Variants in GLIS3 observed in about 807,000 individuals in gnomAD.
GLIS3 encodes the protein zinc finger protein GLIS3.
Under a neutral mutation model 78.6 loss-of-function variants are expected in GLIS3, and 53 were observed. The ratio of observed to expected loss-of-function variants is 0.67; its 90% CI spans 0.54 to 0.85. The LOEUF is 0.85. Ranked by LOEUF, GLIS3 falls within the 40% of genes least tolerant of loss-of-function variation. The pLI is 0.00. For missense variants in GLIS3, 1,703 were observed against 1,231.1 expected, an observed-to-expected ratio of 1.38 and a Z score of -5.74; for synonymous variants, 684 against 509.9, an observed-to-expected ratio of 1.34 and a Z score of -4.60.
chr9:4,397,760 G>A, the GLIS3 span, among the ~76,000 whole-genome samples: 3 of 149,756 alleles, frequency 2.0e-5, no homozygotes, highest in African/African-American at 5.0e-5. Context: ...GGAAAGGAGA[G>A]GAGAGGAAAG....
the GLIS3 span, among the ~76,000 whole-genome samples, chr9:4,433,616 T>C: frequency 1.3e-5 from 2 of 152,216 alleles, no homozygotes; most frequent in Non-Finnish European, 2.9e-5. Context: ...GGTGAAACTA[T>C]GAAGTCAGAA....
chr9:4,146,952 G>A (rs1007655901), intron 2 of GLIS3, among the ~76,000 whole-genome samples: 1 of 152,082 alleles, frequency 6.6e-6, no homozygotes, highest in Admixed American at 6.6e-5. Context: ...CAATTTGATT[G>A]TCCCAAAGCA....
chr9:4,273,590 CATAA>C (rs60374376), intron 2 of GLIS3, among the ~76,000 whole-genome samples: 34,317 of 143,646 alleles, frequency 0.24, 4,180 homozygotes, highest in Non-Finnish European at 0.27. Context: ...AAGACCTTAT[CATAA>C]ATAAATAAAT....
intron 4 of GLIS3, among the ~76,000 whole-genome samples, chr9:3,952,271 T>TG (rs1816748291): frequency 1.3e-5 from 2 of 152,292 alleles, no homozygotes; most frequent in Non-Finnish European, 2.9e-5. Context: ...CAGGTTTACT[T>TG]CTTGGTCACC....
intron 4 of GLIS3, among the ~76,000 whole-genome samples, chr9:4,092,885 G>T (rs1464552870): frequency 6.6e-6 from 1 of 152,120 alleles, no homozygotes; most frequent in Non-Finnish European, 1.5e-5. Context: ...ATAACTATAT[G>T]TGCTTTATTT....
chr9:4,361,104 C>T, the GLIS3 span, among the ~76,000 whole-genome samples: 1 of 152,188 alleles, frequency 6.6e-6, no homozygotes, highest in Non-Finnish European at 1.5e-5. Context: ...CACCTTTGGT[C>T]CCTACTTTAG....
chr9:4,370,128 G>T, the GLIS3 span, among the ~76,000 whole-genome samples: 1 of 137,840 alleles, frequency 7.3e-6, no homozygotes, highest in Non-Finnish European at 1.5e-5. Context: ...GGAGGTGGAG[G>T]TTGCAGTCAT....
intron 4 of GLIS3, among the ~76,000 whole-genome samples, chr9:4,010,674 C>A (rs931397131): frequency 6.6e-6 from 1 of 152,196 alleles, no homozygotes; most frequent in Non-Finnish European, 1.5e-5. Context: ...GTGGCTCTTT[C>A]CTTTGATTTC....
chr9:4,263,582 T>A (rs1232192415), intron 2 of GLIS3, among the ~76,000 whole-genome samples: 2 of 152,100 alleles, frequency 1.3e-5, no homozygotes, highest in Non-Finnish European at 2.9e-5. Context: ...ATTCTACAGA[T>A]GTTTTAAAGT....
chr9:4,045,480 C>A (rs906744144), intron 4 of GLIS3, among the ~76,000 whole-genome samples: 8 of 151,354 alleles, frequency 5.3e-5, no homozygotes, highest in Admixed American at 4.0e-4. Context: ...GGATTAGAGG[C>A]ACACACCACC....
chr9:4,431,047 C>T, the GLIS3 span, among the ~76,000 whole-genome samples: 1 of 152,184 alleles, frequency 6.6e-6, no homozygotes, highest in East Asian at 1.9e-4. Context: ...AGTTGAATCC[C>T]AACCAAGTAT....
chr9:4,331,823 G>T (rs778032120), intron 2 of GLIS3, among the ~76,000 whole-genome samples: 1 of 152,160 alleles, frequency 6.6e-6, no homozygotes, highest in Admixed American at 6.5e-5. Flanking sequence ...ATTGGGAGTG[G>T]TTCAGACAGA....
intron 2 of GLIS3, among the ~76,000 whole-genome samples, chr9:4,216,032 T>C (rs1288511252): frequency 1.3e-5 from 2 of 152,150 alleles, no homozygotes; most frequent in African/African-American, 4.8e-5. Flanking sequence ...GCCTTCCTAA[T>C]GTTTGAGAAA....
At chr9:4,355,132 G>GGA in the GLIS3 span, among the ~76,000 whole-genome samples, 60 of 145,282 alleles carry the variant, frequency 4.1e-4, 1 homozygote, top group Non-Finnish European at 3.2e-4. Context: ...ACTCCATCTC[G>GGA]AAAAAAAAAA....
At chr9:4,397,151 G>C in the GLIS3 span, among the ~76,000 whole-genome samples, 2 of 135,076 alleles carry the variant, frequency 1.5e-5, no homozygotes, top group Non-Finnish European at 3.1e-5. Context: ...TCAGCCTCCC[G>C]AGTAGCTGGG....
chr9:4,104,010 C>T (rs980466929), intron 4 of GLIS3, among the ~76,000 whole-genome samples: 1 of 152,164 alleles, frequency 6.6e-6, no homozygotes, highest in Non-Finnish European at 1.5e-5. Context: ...TCACCTTCCA[C>T]CAACCTGTCC....
At chr9:4,113,537 A>AAGTGGGG (rs1362600795) in intron 4 of GLIS3, among the ~76,000 whole-genome samples, 4 of 152,210 alleles carry the variant, frequency 2.6e-5, no homozygotes, top group Admixed American at 2.6e-4. Context: ...GAGGATTATG[A>AAGTGGGG]AGTGGGGATT....
chr9:4,450,324 G>T, the GLIS3 span, among the ~76,000 whole-genome samples: 3 of 151,948 alleles, frequency 2.0e-5, no homozygotes, highest in East Asian at 5.8e-4. Flanking sequence ...AATGAACAAA[G>T]CCTCCAAGAA....
At chr9:4,399,161 G>C in the GLIS3 span, among the ~76,000 whole-genome samples, 1 of 152,150 alleles carries the variant, frequency 6.6e-6, no homozygotes, top group South Asian at 2.1e-4. Context: ...GGAGGATATT[G>C]ACTGCTGCCA....
Sources: allele counts gnomAD v4.1 joint callset (sites outside exome capture counted in the v4.1 genomes callset), GRCh38; gene constraint gnomAD v4.1.1; transcripts MANE v1.5; gene names NCBI Gene and HGNC (gene_info 2026-07-23, HGNC 2026-07-21).